Variants in ATOSA observed in about 807,000 individuals in gnomAD.
ATOSA encodes the protein atos homolog protein A.
chr15:52,649,433 T>C, the ATOSA span: 1 of 152,130 alleles, frequency 6.6e-6, no homozygotes, highest in Non-Finnish European at 1.5e-5. Flanking sequence ...CAATCTGAGT[T>C]TTTAAGTTAC....
At chr15:52,585,566 G>T in the ATOSA span, among the ~76,000 whole-genome samples, 2 of 152,010 alleles carry the variant, frequency 1.3e-5, no homozygotes, top group Non-Finnish European at 2.9e-5. Context: ...ATCTAAAGTA[G>T]GCTAATACTT....
chr15:52,606,841 G>C, the ATOSA span, among the ~76,000 whole-genome samples: 2 of 152,140 alleles, frequency 1.3e-5, no homozygotes, highest in African/African-American at 4.8e-5. Flanking sequence ...GCTAATTTGA[G>C]TGATAAAGAA....
the ATOSA span, chr15:52,586,304 C>A: frequency 6.6e-6 from 1 of 152,014 alleles, no homozygotes; most frequent in African/African-American, 2.4e-5. Context: ...TGTTTCATTC[C>A]TGTGTGATAT....
At chr15:52,683,039 G>A in the ATOSA span, among the ~76,000 whole-genome samples, 2 of 152,162 alleles carry the variant, frequency 1.3e-5, no homozygotes, top group Non-Finnish European at 2.9e-5. Flanking sequence ...GTCTGCGTAA[G>A]TGTCTTAGGG....
chr15:52,626,792 T>C, the ATOSA span, among the ~76,000 whole-genome samples: 80 of 152,288 alleles, frequency 5.3e-4, no homozygotes, highest in African/African-American at 1.6e-3. Flanking sequence ...TCAATTCCAA[T>C]TGTGGCTCAG....
chr15:52,625,642 A>G, the ATOSA span, among the ~76,000 whole-genome samples: 2 of 152,218 alleles, frequency 1.3e-5, no homozygotes, highest in South Asian at 4.1e-4. Context: ...GCATCTACAC[A>G]ATAAACACCA....
the ATOSA span, chr15:52,652,126 C>T: frequency 7.6e-7 from 1 of 1,311,568 alleles, no homozygotes; most frequent in Non-Finnish European, 9.9e-7. Flanking sequence ...CTCAACCTCC[C>T]CTGCTCGCTA....
At chr15:52,640,552 C>A in the ATOSA span, among the ~76,000 whole-genome samples, 2 of 76,172 alleles carry the variant, frequency 2.6e-5, no homozygotes, top group Non-Finnish European at 4.5e-5. Context: ...GCCTGAGCAA[C>A]AGAGCAAGAC....
the ATOSA span, among the ~76,000 whole-genome samples, chr15:52,702,404 C>T: frequency 5.3e-5 from 8 of 152,274 alleles, no homozygotes; most frequent in South Asian, 6.2e-4. Flanking sequence ...GGTACATATA[C>T]ACCATGGAAT....
At chr15:52,603,022 G>T in the ATOSA span, among the ~76,000 whole-genome samples, 1 of 152,140 alleles carries the variant, frequency 6.6e-6, no homozygotes, top group Non-Finnish European at 1.5e-5. Context: ...TTCCTGTATT[G>T]ACTTAGTCTA....
the ATOSA span, among the ~76,000 whole-genome samples, chr15:52,642,223 C>T: frequency 6.6e-6 from 1 of 152,142 alleles, no homozygotes; most frequent in South Asian, 2.1e-4. Context: ...TCCTGAAATT[C>T]ACAGATCTCT....
the ATOSA span, chr15:52,613,865 A>C: frequency 1.2e-6 from 2 of 1,611,040 alleles, no homozygotes; most frequent in Middle Eastern, 3.3e-4. Flanking sequence ...TATCTGATAT[A>C]AAAAAGGGGC....
At chr15:52,593,368 T>C in the ATOSA span, 5 of 497,510 alleles carry the variant, frequency 1.0e-5, no homozygotes, top group Non-Finnish European at 1.8e-5. Flanking sequence ...GAGAAATAAG[T>C]ACATTTTTAG....
the ATOSA span, among the ~76,000 whole-genome samples, chr15:52,673,652 C>T: frequency 1.4e-4 from 21 of 152,162 alleles, no homozygotes; most frequent in Non-Finnish European, 3.1e-4. Context: ...AGCAAAAGGC[C>T]GCTTTATTTA....
the ATOSA span, among the ~76,000 whole-genome samples, chr15:52,625,603 G>A: frequency 6.6e-6 from 1 of 152,082 alleles, no homozygotes; most frequent in Non-Finnish European, 1.5e-5. Flanking sequence ...AGTGTGGTTT[G>A]TTTAAATTCA....
the ATOSA span, among the ~76,000 whole-genome samples, chr15:52,617,582 CAG>C: frequency 6.6e-6 from 1 of 151,892 alleles, no homozygotes; most frequent in African/African-American, 2.4e-5. Context: ...TTATAAAATT[CAG>C]AGAGTAAGAC....
chr15:52,601,190 A>G, the ATOSA span: 25 of 1,436,484 alleles, frequency 1.7e-5, no homozygotes, highest in Non-Finnish European at 2.2e-5. Context: ...ATCATTTGTG[A>G]TATTAAAAAA....
the ATOSA span, among the ~76,000 whole-genome samples, chr15:52,702,538 A>T: frequency 1.3e-5 from 2 of 152,198 alleles, no homozygotes; most frequent in African/African-American, 4.8e-5. Flanking sequence ...GTTCTCACTT[A>T]TAAGTGGGAG....
At chr15:52,652,356 G>A in the ATOSA span, among the ~76,000 whole-genome samples, 1 of 152,166 alleles carries the variant, frequency 6.6e-6, no homozygotes, top group Non-Finnish European at 1.5e-5. Flanking sequence ...CACATAAACT[G>A]AAGACAAAGA....
Sources: gnomAD v4.1 joint callset for allele counts (sites outside exome capture counted in the v4.1 genomes callset) on GRCh38, gnomAD v4.1.1 for gene constraint, MANE v1.5 for transcripts, NCBI Gene and HGNC (gene_info 2026-07-23, HGNC 2026-07-21) for gene names.